RGS7: variants seen among roughly 807,000 people sequenced by gnomAD.
The protein encoded by RGS7 is regulator of G-protein signaling 7.
Under a neutral mutation model 81.1 loss-of-function variants are expected in RGS7, and 27 were observed. The ratio of observed to expected loss-of-function variants is 0.33; its 90% CI spans 0.25 to 0.46. The LOEUF (loss-of-function observed/expected upper bound fraction) is 0.46, where lower values mean the gene tolerates loss of function less well. RGS7 is among the 20% of genes least tolerant of loss of function. The probability of loss-of-function intolerance (pLI) is 1.00; values close to 1 mark genes in which losing one functional copy is unlikely to be tolerated. For missense variants in RGS7, 396 were observed against 607.4 expected, an observed-to-expected ratio of 0.65 and a Z score of 3.66; for synonymous variants, 208 against 207.7, an observed-to-expected ratio of 1.00 and a Z score of -0.01.
intron 18 of RGS7, among the ~76,000 whole-genome samples, chr1:240,779,953 A>G (rs988337484): frequency 6.6e-6 from 1 of 152,158 alleles, no homozygotes; most frequent in Non-Finnish European, 1.5e-5. Context: ...GAAAGTTATA[A>G]ATTAAAAGCT....
chr1:241,165,331 C>T (rs549065446), intron 2 of RGS7, among the ~76,000 whole-genome samples: 14 of 152,240 alleles, frequency 9.2e-5, no homozygotes, highest in South Asian at 2.1e-4. Flanking sequence ...CACATGCACA[C>T]GTATGTTTAT....
At chr1:241,045,220 T>G (rs1317142067) in intron 3 of RGS7, among the ~76,000 whole-genome samples, 1 of 152,200 alleles carries the variant, frequency 6.6e-6, no homozygotes, top group African/African-American at 2.4e-5. Context: ...ATTCCTTGAG[T>G]GTGCTTTCCT....
At chr1:241,263,434 C>T (rs953898937) in intron 2 of RGS7, among the ~76,000 whole-genome samples, 6 of 152,160 alleles carry the variant, frequency 3.9e-5, no homozygotes, top group African/African-American at 1.2e-4. Context: ...TGCAGTCGCT[C>T]CAAAGGGTAC....
chr1:241,146,651 T>C (rs745932564), intron 2 of RGS7, among the ~76,000 whole-genome samples: 1 of 152,196 alleles, frequency 6.6e-6, no homozygotes, highest in Non-Finnish European at 1.5e-5. Context: ...TAAAATGTTA[T>C]CTTCTTTCTC....
chr1:241,233,408 A>G (rs1243343803), intron 2 of RGS7, among the ~76,000 whole-genome samples: 3 of 152,158 alleles, frequency 2.0e-5, no homozygotes, highest in East Asian at 3.8e-4. Flanking sequence ...AGCCTCTGGT[A>G]GCCACCACAC....
chr1:241,180,291 C>T (rs1201079232), intron 2 of RGS7, among the ~76,000 whole-genome samples: 2 of 152,040 alleles, frequency 1.3e-5, no homozygotes, highest in Non-Finnish European at 2.9e-5. Flanking sequence ...AGGAGAATGG[C>T]GTGAACCCGG....
intron 3 of RGS7, among the ~76,000 whole-genome samples, chr1:241,022,977 G>A (rs1270858860): frequency 6.6e-6 from 1 of 151,868 alleles, no homozygotes; most frequent in Non-Finnish European, 1.5e-5. Context: ...AACAACTATT[G>A]TTGTTAAAAT....
chr1:241,284,503 C>A (rs1480832332), intron 2 of RGS7, among the ~76,000 whole-genome samples: 3 of 152,242 alleles, frequency 2.0e-5, no homozygotes, highest in South Asian at 4.1e-4. Flanking sequence ...AAGTAACACC[C>A]CAGGAACAAT....
chr1:241,313,794 T>G (rs2080695990), intron 2 of RGS7, among the ~76,000 whole-genome samples: 1 of 152,198 alleles, frequency 6.6e-6, no homozygotes, highest in Non-Finnish European at 1.5e-5. Flanking sequence ...CTTTCATAAT[T>G]CATAGGAAGA....
intron 2 of RGS7, among the ~76,000 whole-genome samples, chr1:241,347,848 C>G (rs2148725824): frequency 6.6e-6 from 1 of 152,210 alleles, no homozygotes; most frequent in South Asian, 2.1e-4. Context: ...CTACCATTCC[C>G]TTACGAGGCC....
At chr1:240,850,935 A>G (rs1028172934) in intron 9 of RGS7, among the ~76,000 whole-genome samples, 1 of 152,188 alleles carries the variant, frequency 6.6e-6, no homozygotes, top group Non-Finnish European at 1.5e-5. Context: ...AAAAAGTTGG[A>G]AACTAGCAGA....
intron 2 of RGS7, among the ~76,000 whole-genome samples, chr1:241,238,566 C>G (rs1460932771): frequency 6.6e-6 from 1 of 152,112 alleles, no homozygotes; most frequent in Non-Finnish European, 1.5e-5. Flanking sequence ...AGGAGTTTCA[C>G]TCTGTCACCC....
chr1:241,179,858 CAT>C (rs142762826), intron 2 of RGS7, among the ~76,000 whole-genome samples: 33,141 of 152,064 alleles, frequency 0.22, 4,060 homozygotes, highest in Admixed American at 0.28. Context: ...ATCATACACA[CAT>C]GAGGCACTTT....
At chr1:240,920,350 G>C in intron 6 of RGS7, 1 of 1,536,716 alleles carries the variant, frequency 6.5e-7, no homozygotes, top group Non-Finnish European at 8.9e-7. Context: ...AGCTGTTGTG[G>C]TGGTGGATAT....
chr1:241,104,624 T>C (rs1361632815), intron 2 of RGS7, among the ~76,000 whole-genome samples: 2 of 152,246 alleles, frequency 1.3e-5, no homozygotes, highest in African/African-American at 4.8e-5. Context: ...TTTGCAAGAC[T>C]TAATTTTTTA....
chr1:240,977,628 A>G (rs1558549345), intron 4 of RGS7, among the ~76,000 whole-genome samples: 1 of 152,250 alleles, frequency 6.6e-6, no homozygotes, highest in Non-Finnish European at 1.5e-5. Context: ...TTCCATATAT[A>G]AGACCAGATT....
chr1:240,847,072 G>A (rs1000858891), intron 9 of RGS7, among the ~76,000 whole-genome samples: 8 of 152,070 alleles, frequency 5.3e-5, no homozygotes, highest in African/African-American at 1.4e-4. Flanking sequence ...TTTGTTATAC[G>A]GCAATAGATA....
chr1:241,055,249 C>G (rs1012624190), intron 3 of RGS7, among the ~76,000 whole-genome samples: 5 of 152,162 alleles, frequency 3.3e-5, no homozygotes, highest in Non-Finnish European at 7.3e-5. Context: ...CACAGGTTAA[C>G]GGCTCAGCCC....
chr1:241,177,341 A>G (rs1473992091), intron 2 of RGS7, among the ~76,000 whole-genome samples: 2 of 152,134 alleles, frequency 1.3e-5, no homozygotes, highest in African/African-American at 4.8e-5. Context: ...CAAGTATAAA[A>G]GCCTCAAGGC....
Sources: gnomAD v4.1 joint callset for allele counts (sites outside exome capture counted in the v4.1 genomes callset) on GRCh38, gnomAD v4.1.1 for gene constraint, MANE v1.5 for transcripts, NCBI Gene and HGNC (gene_info 2026-07-23, HGNC 2026-07-21) for gene names.